Variants in DOCK4 observed in about 807,000 individuals in gnomAD.
DOCK4 encodes dedicator of cytokinesis protein 4.
In DOCK4, 97 loss-of-function variants were observed where a neutral mutation model predicts 268.1. That is an observed-to-expected ratio of 0.36 (90% confidence interval 0.31 to 0.43). DOCK4 has a LOEUF of 0.43. Ranked by LOEUF, DOCK4 falls within the 20% of genes least tolerant of loss-of-function variation. The pLI is 1.00. For missense variants in DOCK4, 2,145 were observed against 2,455.7 expected (o/e 0.87, Z 2.67); for synonymous variants, 954 against 887.2 (o/e 1.08, Z -1.34).
At chr7:111,995,233 G>A (rs1313223408) in intron 4 of DOCK4, among the ~76,000 whole-genome samples, 3 of 151,848 alleles carry the variant, frequency 2.0e-5, no homozygotes, top group Admixed American at 1.3e-4. Flanking sequence ...GGGTTTTACC[G>A]TGTTAGCCAG....
chr7:111,810,619 G>T (rs56240231), intron 28 of DOCK4, among the ~76,000 whole-genome samples: 10,501 of 152,002 alleles, frequency 0.069, 1,216 homozygotes, highest in African/African-American at 0.24. Context: ...TTCTAATGTT[G>T]GTGTAGCTGC....
intron 1 of DOCK4, among the ~76,000 whole-genome samples, chr7:112,063,754 C>A (rs1457795552): frequency 6.6e-6 from 1 of 152,024 alleles, no homozygotes; most frequent in Non-Finnish European, 1.5e-5. Flanking sequence ...TTATTTGTAC[C>A]CCTCAAAGAT....
intron 1 of DOCK4, among the ~76,000 whole-genome samples, chr7:112,176,958 G>T (rs559632462): frequency 6.6e-6 from 1 of 152,156 alleles, no homozygotes; most frequent in South Asian, 2.1e-4. Context: ...GTGTCCTTTA[G>T]TGACATAAGT....
chr7:111,818,519 C>T (rs887815395), intron 27 of DOCK4, among the ~76,000 whole-genome samples: 4 of 152,232 alleles, frequency 2.6e-5, no homozygotes, highest in African/African-American at 9.6e-5. Context: ...CACCCAGTCA[C>T]TTGCAAGTCT....
At chr7:112,101,290 C>A (rs993508687) in intron 1 of DOCK4, among the ~76,000 whole-genome samples, 3 of 152,236 alleles carry the variant, frequency 2.0e-5, no homozygotes, top group African/African-American at 4.8e-5. Flanking sequence ...TTAAGAAAGT[C>A]ATCTACAATA....
chr7:112,032,689 A>G (rs1475704435), intron 1 of DOCK4, among the ~76,000 whole-genome samples: 2 of 152,188 alleles, frequency 1.3e-5, no homozygotes. Context: ...CAGCCATATC[A>G]TTGTGATTTT....
chr7:111,849,949 C>CCA (rs1254920161), intron 23 of DOCK4, among the ~76,000 whole-genome samples: 1 of 152,120 alleles, frequency 6.6e-6, no homozygotes, highest in Non-Finnish European at 1.5e-5. Flanking sequence ...TACCCTAACT[C>CCA]CACACACACC....
At chr7:111,888,782 T>C (rs1808052284) in intron 16 of DOCK4, among the ~76,000 whole-genome samples, 1 of 152,116 alleles carries the variant, frequency 6.6e-6, no homozygotes, top group Non-Finnish European at 1.5e-5. Flanking sequence ...AGACAGTAAC[T>C]AGGACACATG....
At chr7:111,833,503 T>C (rs1309728191) in intron 26 of DOCK4, among the ~76,000 whole-genome samples, 1 of 151,578 alleles carries the variant, frequency 6.6e-6, no homozygotes, top group Admixed American at 6.6e-5. Context: ...ATGATTGTAC[T>C]ACTGCACTCC....
At chr7:112,008,042 C>T (rs1800997528) in intron 1 of DOCK4, among the ~76,000 whole-genome samples, 1 of 152,156 alleles carries the variant, frequency 6.6e-6, no homozygotes, top group Non-Finnish European at 1.5e-5. Flanking sequence ...TTGATCCCTC[C>T]ATTTCCTTTT....
In DOCK4 at chr7:111,861,809, A is replaced by G. The variant is rs867863696; in HGVS notation, c.2473+1563T>C. Among the ~76,000 whole-genome samples the G allele has an allele frequency of 8.6e-5, 13 of 151,190 alleles. No individual in the cohort carries two copies. In the South Asian group the frequency reaches 2.7e-3, roughly 31 times the overall value. ...AAAACACTCCAAAGAGTGACATACAATGTACTGTTATCATTTAAAGATGAA... is the reference window on the plus strand; with the variant it reads ...AAAACACTCCAAAGAGTGACATACAGTGTACTGTTATCATTTAAAGATGAA... On this transcript the variant is annotated intron_variant, in intron 23 of 52. Coordinates refer to ENST00000428084, the MANE Select transcript of DOCK4 (RefSeq NM_001363540.2).
chr7:111,800,874 G>A (rs894596882), intron 30 of DOCK4, among the ~76,000 whole-genome samples: 10 of 152,024 alleles, frequency 6.6e-5, no homozygotes, highest in South Asian at 2.1e-4. Context: ...TTAGGTTTAC[G>A]TCTCTTTAAA....
At chr7:111,960,042 A>T (rs960905465) in intron 8 of DOCK4, among the ~76,000 whole-genome samples, 1 of 152,152 alleles carries the variant, frequency 6.6e-6, no homozygotes, top group East Asian at 1.9e-4. Context: ...ATATATTTTT[A>T]ACATTTTACT....
chr7:111,732,357 CTG>C, intron 51 of DOCK4, 70 bp from the exon 52 acceptor site: 1 of 1,529,542 alleles, frequency 6.5e-7, no homozygotes, highest in Non-Finnish European at 9.0e-7. Flanking sequence ...CACATGCCCT[CTG>C]TGTTACAAAC....
chr7:112,052,168 G>GA (rs1252200226), intron 1 of DOCK4, among the ~76,000 whole-genome samples: 2 of 152,014 alleles, frequency 1.3e-5, no homozygotes, highest in Non-Finnish European at 2.9e-5. Flanking sequence ...ATAATGAGAA[G>GA]AAAAAAGACT....
At chr7:111,906,733 C>G (rs1328287539) in intron 13 of DOCK4, among the ~76,000 whole-genome samples, 1 of 151,970 alleles carries the variant, frequency 6.6e-6, no homozygotes, top group Non-Finnish European at 1.5e-5. Context: ...GGGGAAGGGT[C>G]AGAATTAGAG....
intron 47 of DOCK4, among the ~76,000 whole-genome samples, 187 bp downstream of exon 47, chr7:111,740,907 G>A (rs978275765): frequency 1.3e-5 from 2 of 152,008 alleles, no homozygotes; most frequent in Non-Finnish European, 2.9e-5. Context: ...AAGCGATGGG[G>A]CAGTTTTAAG....
chr7:111,797,196 G>C (rs1348770952), intron 30 of DOCK4, among the ~76,000 whole-genome samples: 4 of 152,092 alleles, frequency 2.6e-5, no homozygotes, highest in Non-Finnish European at 5.9e-5. Context: ...CCAAACCTTT[G>C]CAAGTGCTGT....
chr7:111,937,327 G>T (rs1287171352), intron 11 of DOCK4, among the ~76,000 whole-genome samples: 1 of 152,094 alleles, frequency 6.6e-6, no homozygotes, highest in Non-Finnish European at 1.5e-5. Flanking sequence ...GTTTTGACTG[G>T]TTAGTATTAC....
Sources: allele counts gnomAD v4.1 joint callset (sites outside exome capture counted in the v4.1 genomes callset), GRCh38; gene constraint gnomAD v4.1.1; transcripts MANE v1.5; gene names NCBI Gene and HGNC (gene_info 2026-07-23, HGNC 2026-07-21).